The following SPMIP2 variants were observed in gnomAD, a reference collection of about 807,000 sequenced individuals.
SPMIP2 encodes the protein sperm microtubule inner protein 2, also known as protein SPMIP2.
At chr4:158,924,125 T>A in the SPMIP2 span, among the ~76,000 whole-genome samples, 1 of 152,152 alleles carries the variant, frequency 6.6e-6, no homozygotes, top group Non-Finnish European at 1.5e-5. Flanking sequence ...AAGAGTGGCC[T>A]TACCAGGAAC....
chr4:159,031,951 G>C, the SPMIP2 span, among the ~76,000 whole-genome samples: 1 of 152,190 alleles, frequency 6.6e-6, no homozygotes, highest in Non-Finnish European at 1.5e-5. Context: ...GCCGGTTGTG[G>C]TGGCTCATGC....
the SPMIP2 span, chr4:158,905,815 A>C: frequency 6.6e-6 from 1 of 152,178 alleles, no homozygotes; most frequent in Non-Finnish European, 1.5e-5. Flanking sequence ...AATATTGGTC[A>C]TTAAAGGACA....
At chr4:159,040,693 T>G in the SPMIP2 span, among the ~76,000 whole-genome samples, 2 of 152,138 alleles carry the variant, frequency 1.3e-5, no homozygotes, top group Non-Finnish European at 2.9e-5. Flanking sequence ...CTTGAACTCC[T>G]GGCCTCAAGA....
At chr4:158,903,717 C>T in the SPMIP2 span, among the ~76,000 whole-genome samples, 4 of 152,290 alleles carry the variant, frequency 2.6e-5, no homozygotes, top group South Asian at 8.3e-4. Flanking sequence ...TAGAAAACCC[C>T]ATGAGGTAAT....
chr4:158,918,551 G>A, the SPMIP2 span, among the ~76,000 whole-genome samples: 2 of 152,134 alleles, frequency 1.3e-5, no homozygotes, highest in South Asian at 4.1e-4. Flanking sequence ...GAAGAGTTTA[G>A]AAAAGAAAAA....
At chr4:158,971,840 G>A in the SPMIP2 span, among the ~76,000 whole-genome samples, 1 of 152,136 alleles carries the variant, frequency 6.6e-6, no homozygotes, top group African/African-American at 2.4e-5. Flanking sequence ...AGAGGCAAAT[G>A]AACTTAACCA....
the SPMIP2 span, among the ~76,000 whole-genome samples, chr4:159,039,860 T>A: frequency 6.6e-6 from 1 of 152,248 alleles, no homozygotes; most frequent in Non-Finnish European, 1.5e-5. Flanking sequence ...TGGAGGCCAA[T>A]GCAGTGGCCC....
the SPMIP2 span, among the ~76,000 whole-genome samples, chr4:159,037,164 T>C: frequency 2.6e-5 from 4 of 152,202 alleles, no homozygotes; most frequent in African/African-American, 9.7e-5. Context: ...TTTGAGACTG[T>C]TACAAACTTT....
chr4:158,949,683 A>G, the SPMIP2 span, among the ~76,000 whole-genome samples: 1 of 152,116 alleles, frequency 6.6e-6, no homozygotes, highest in Non-Finnish European at 1.5e-5. Context: ...CTCCTTTATT[A>G]CTTACTTGGG....
the SPMIP2 span, among the ~76,000 whole-genome samples, chr4:159,008,316 T>C: frequency 2.6e-5 from 4 of 152,238 alleles, no homozygotes; most frequent in Non-Finnish European, 5.9e-5. Flanking sequence ...CTCATGCCTG[T>C]AATCCCAGCA....
At chr4:158,929,193 C>A in the SPMIP2 span, among the ~76,000 whole-genome samples, 1 of 152,136 alleles carries the variant, frequency 6.6e-6, no homozygotes, top group Non-Finnish European at 1.5e-5. Context: ...TAAAAAAATT[C>A]TTTTTGTAGA....
At chr4:159,040,929 A>G in the SPMIP2 span, among the ~76,000 whole-genome samples, 1 of 152,198 alleles carries the variant, frequency 6.6e-6, no homozygotes, top group African/African-American at 2.4e-5. Flanking sequence ...GTCAATTGGG[A>G]TAATGGATGT....
At chr4:158,986,417 G>T in the SPMIP2 span, among the ~76,000 whole-genome samples, 1 of 152,138 alleles carries the variant, frequency 6.6e-6, no homozygotes, top group Non-Finnish European at 1.5e-5. Flanking sequence ...AAACACCATG[G>T]TACTGGTATC....
the SPMIP2 span, among the ~76,000 whole-genome samples, chr4:158,947,265 T>A: frequency 3.3e-5 from 5 of 151,900 alleles, no homozygotes; most frequent in Admixed American, 3.3e-4. Context: ...GGAAAACAAC[T>A]CCAAGAAAAA....
At chr4:159,065,972 A>T in the SPMIP2 span, among the ~76,000 whole-genome samples, 1 of 152,194 alleles carries the variant, frequency 6.6e-6, no homozygotes, top group East Asian at 1.9e-4. Flanking sequence ...CCTCTCTGCT[A>T]TGTGGCTGCC....
chr4:159,048,060 C>T, the SPMIP2 span, among the ~76,000 whole-genome samples: 12 of 152,192 alleles, frequency 7.9e-5, no homozygotes, highest in Admixed American at 7.9e-4. Context: ...ATTGTTCATG[C>T]TTTTAGCGAT....
chr4:159,055,601 T>C, the SPMIP2 span, among the ~76,000 whole-genome samples: 3 of 151,948 alleles, frequency 2.0e-5, no homozygotes, highest in African/African-American at 4.8e-5. Flanking sequence ...TCCCAGCTAA[T>C]TGAGGAGCTG....
the SPMIP2 span, among the ~76,000 whole-genome samples, chr4:158,900,076 T>G: frequency 3.9e-5 from 6 of 152,088 alleles, no homozygotes; most frequent in Non-Finnish European, 5.9e-5. Context: ...CAAAGAACTT[T>G]TATTTCTGCC....
chr4:159,003,736 T>C, the SPMIP2 span, among the ~76,000 whole-genome samples: 20 of 152,338 alleles, frequency 1.3e-4, no homozygotes, highest in South Asian at 6.2e-4. Flanking sequence ...TTAAACCTCC[T>C]TCCCATTATC....
Sources: gnomAD v4.1 joint callset for allele counts (sites outside exome capture counted in the v4.1 genomes callset) on GRCh38, gnomAD v4.1.1 for gene constraint, MANE v1.5 for transcripts, NCBI Gene and HGNC (gene_info 2026-07-23, HGNC 2026-07-21) for gene names.